NSMCE2: variants seen among roughly 807,000 people sequenced by gnomAD.
NSMCE2 encodes the protein NSE2 SUMO ligase component of SMC5/6 complex.
A neutral mutation model predicts 23.8 loss-of-function variants in NSMCE2; 24 were observed. That is an observed-to-expected ratio of 1.01 (90% CI 0.73 to 1.42). The LOEUF (loss-of-function observed/expected upper bound fraction) is 1.42, where lower values mean the gene tolerates loss of function less well. NSMCE2 is among the 40% of genes most tolerant of loss of function. The pLI, the probability that NSMCE2 is intolerant of heterozygous loss-of-function variation, is 0.00. For synonymous variants in NSMCE2, 92 were observed against 94.1 expected (o/e 0.98, Z 0.13); for missense variants, 284 against 296.5 (o/e 0.96, Z 0.31).
chr8:125,316,139 C>G (rs1829170138), intron 5 of NSMCE2, among the ~76,000 whole-genome samples: 2 of 152,186 alleles, frequency 1.3e-5, no homozygotes, highest in South Asian at 4.1e-4. Context: ...ATGATGATAA[C>G]AGATGCCATC....
chr8:125,133,462 G>A lies in NSMCE2; in HGVS notation c.158-17709G>A, dbSNP rs932655960. 2.6e-5 allele frequency among the ~76,000 whole-genome samples: 4 copies of A among 152,180 alleles called. No homozygotes were observed. The East Asian group carries it at 5.8e-4, about 22-fold the overall frequency. ...TAATAGTTTGTCTTTAAATTCAGCC[G>A]GGTGTGGTGGCTCATGCCTGCAATC... On this transcript the variant is annotated intron_variant, in intron 3 of 7. Transcript: ENST00000287437.
At chr8:125,143,887 A>G (rs1480223457) in intron 3 of NSMCE2, among the ~76,000 whole-genome samples, 1 of 152,204 alleles carries the variant, frequency 6.6e-6, no homozygotes, top group Non-Finnish European at 1.5e-5. Flanking sequence ...TTGTAGACCC[A>G]TAAGGTATGA....
At chr8:125,257,634 C>T (rs928562417) in intron 5 of NSMCE2, among the ~76,000 whole-genome samples, 4 of 150,968 alleles carry the variant, frequency 2.6e-5, no homozygotes, top group South Asian at 2.1e-4. Flanking sequence ...CCCGGGTTCA[C>T]GCCATTCTCC....
At chr8:125,264,486 AGT>A (rs1343154288) in intron 5 of NSMCE2, among the ~76,000 whole-genome samples, 1 of 152,138 alleles carries the variant, frequency 6.6e-6, no homozygotes, top group African/African-American at 2.4e-5. Context: ...GGCTTACTGC[AGT>A]CTCTGCCTCC....
chr8:125,122,234 A>G (rs961512686), intron 3 of NSMCE2, among the ~76,000 whole-genome samples: 4 of 152,074 alleles, frequency 2.6e-5, no homozygotes, highest in African/African-American at 7.2e-5. Flanking sequence ...CTAGAAATAC[A>G]AAGATATGAA....
At chr8:125,131,523 G>T (rs1819770227) in intron 3 of NSMCE2, among the ~76,000 whole-genome samples, 1 of 152,102 alleles carries the variant, frequency 6.6e-6, no homozygotes, top group Non-Finnish European at 1.5e-5. Context: ...CATTACATCA[G>T]GATATAGATA....
intron 5 of NSMCE2, among the ~76,000 whole-genome samples, chr8:125,347,573 A>C (rs1279751118): frequency 6.6e-6 from 1 of 152,248 alleles, no homozygotes; most frequent in Non-Finnish European, 1.5e-5. Flanking sequence ...AATAAATGCA[A>C]GTCTAGTTGA....
rs189503770 is a variant in NSMCE2, at chr8:125,196,081, G to C, written c.418+13825G>C. Among the ~76,000 whole-genome samples, 6 of 151,264 alleles carry C rather than the reference G, an allele frequency of 4.0e-5. 1 individual carries two copies. Among genetic ancestry groups the C allele is most frequent in the Non-Finnish European group, 5.9e-5 (4 of 67,818 alleles). ...TTTTTAGTGGAGACTGGGTTTCACC[G>C]TGTTGGCCAGGCTCCTGGTCTCGAC... On this transcript the variant is annotated intron_variant, in intron 5 of 7. Coordinates refer to ENST00000287437, the MANE Select transcript of NSMCE2 (RefSeq NM_173685.4).
At chr8:125,122,397 C>T (rs1819312250) in intron 3 of NSMCE2, among the ~76,000 whole-genome samples, 1 of 152,112 alleles carries the variant, frequency 6.6e-6, no homozygotes, top group African/African-American at 2.4e-5. Context: ...TTACCTTCTA[C>T]AACTATTTTA....
At chr8:125,300,076 C>T (rs1828500230) in intron 5 of NSMCE2, among the ~76,000 whole-genome samples, 1 of 151,572 alleles carries the variant, frequency 6.6e-6, no homozygotes. Context: ...GCCTTGGCCT[C>T]CCAAAATGCT....
chr8:125,194,873 C>G (rs1433483928), intron 5 of NSMCE2, among the ~76,000 whole-genome samples: 3 of 152,088 alleles, frequency 2.0e-5, no homozygotes, highest in Admixed American at 2.0e-4. Flanking sequence ...GTTTTTCTAA[C>G]CTTTTTTATA....
At chr8:125,140,490 C>G (rs1820307740) in intron 3 of NSMCE2, among the ~76,000 whole-genome samples, 1 of 152,074 alleles carries the variant, frequency 6.6e-6, no homozygotes. Flanking sequence ...TGGTGAAACC[C>G]CATCTCTACT....
At chr8:125,356,537 C>T (rs1813290971) in intron 5 of NSMCE2, among the ~76,000 whole-genome samples, 1 of 151,984 alleles carries the variant, frequency 6.6e-6, no homozygotes, top group Admixed American at 6.5e-5. Flanking sequence ...CCATGTTGGC[C>T]AGGATGGTCT....
chr8:125,346,571 CTAG>C (rs906789385), intron 5 of NSMCE2, among the ~76,000 whole-genome samples: 1 of 152,106 alleles, frequency 6.6e-6, no homozygotes, highest in Non-Finnish European at 1.5e-5. Flanking sequence ...TTTGGTTTTC[CTAG>C]TTCATTACCC....
intron 3 of NSMCE2, among the ~76,000 whole-genome samples, chr8:125,149,301 A>T (rs1185951488): frequency 3.3e-5 from 5 of 152,098 alleles, no homozygotes; most frequent in African/African-American, 1.2e-4. Flanking sequence ...TATGAAATAT[A>T]CTTATAAGTA....
chr8:125,334,813 C>T (rs1199495971), intron 5 of NSMCE2, among the ~76,000 whole-genome samples: 2 of 127,840 alleles, frequency 1.6e-5, no homozygotes, highest in African/African-American at 3.0e-5. Context: ...GACACAGTCT[C>T]GCTCTGTCAC....
At chr8:125,282,957 G>T (rs1254522457) in intron 5 of NSMCE2, among the ~76,000 whole-genome samples, 1 of 152,214 alleles carries the variant, frequency 6.6e-6, no homozygotes, top group African/African-American at 2.4e-5. Context: ...AGGTAGTCTA[G>T]CATAATTGTT....
At chr8:125,357,380 T>C (rs1313012045) in intron 6 of NSMCE2, 61 bp downstream of exon 6, 3 of 1,164,402 alleles carry the variant, frequency 2.6e-6, no homozygotes, top group East Asian at 4.7e-5. Context: ...GGCAGAAAGG[T>C]TCCTGTTTGC....
Position 125,102,249 on chromosome 8 carries a change from A to G in NSMCE2, c.-14-68A>G, listed in dbSNP as rs576610718. ...TTGTATGAATGTTTACAGCAGTTTT[A>G]TTAATATTTTCCTGTGCAGTTATTA... On this transcript the variant is annotated intron_variant, in intron 2 of 7. Transcript: ENST00000287437. 4.1e-5 allele frequency: 42 copies of G among 1,021,898 alleles called. No homozygotes were observed. In the African/African-American group the frequency reaches 4.6e-4, roughly 11 times the overall value. 63.3% of individuals were successfully genotyped at this position (1,021,898 alleles called of 1,614,324 possible).
Sources: gnomAD v4.1 joint callset for allele counts (sites outside exome capture counted in the v4.1 genomes callset) on GRCh38, gnomAD v4.1.1 for gene constraint, MANE v1.5 for transcripts, NCBI Gene and HGNC (gene_info 2026-07-23, HGNC 2026-07-21) for gene names.